Variants in CSMD2 observed in about 807,000 individuals in gnomAD.
CSMD2 encodes the protein CUB and Sushi multiple domains 2, also known as CUB and sushi domain-containing protein 2.
In CSMD2, 130 loss-of-function variants were observed where a neutral mutation model predicts 398.5. The ratio of observed to expected loss-of-function variants is 0.33; its 90% CI spans 0.28 to 0.38. The LOEUF (loss-of-function observed/expected upper bound fraction) is 0.38, where lower values mean the gene tolerates loss of function less well. Among genes scored for constraint, CSMD2 ranks in the 10% least tolerant of loss-of-function variants. CSMD2 has a pLI of 1.00. For synonymous variants in CSMD2, 1,828 were observed against 1,908.5 expected (o/e 0.96, Z 1.10); for missense variants, 3,829 against 4,764.9 (o/e 0.80, Z 5.78).
intron 3 of CSMD2, among the ~76,000 whole-genome samples, chr1:33,946,620 C>CT (rs756819198): frequency 0.01 from 1,481 of 145,012 alleles, 19 homozygotes; most frequent in African/African-American, 0.027. Flanking sequence ...CATCTGACAA[C>CT]TTTTTTTTTT....
At chr1:33,902,535 G>A (rs1642822659) in intron 5 of CSMD2, among the ~76,000 whole-genome samples, 1 of 152,142 alleles carries the variant, frequency 6.6e-6, no homozygotes, top group Non-Finnish European at 1.5e-5. Flanking sequence ...TATTTGGTCT[G>A]GGGAATCACC....
At chr1:34,023,145 G>A (rs958907569) in intron 3 of CSMD2, among the ~76,000 whole-genome samples, 2 of 152,128 alleles carry the variant, frequency 1.3e-5, no homozygotes, top group East Asian at 3.9e-4. Flanking sequence ...GGATTTAAAG[G>A]GCTAAACCCT....
chr1:33,858,338 T>G (rs1639242208), intron 5 of CSMD2, among the ~76,000 whole-genome samples: 1 of 152,148 alleles, frequency 6.6e-6, no homozygotes, highest in Non-Finnish European at 1.5e-5. Flanking sequence ...TCTCCTTCCT[T>G]CTTCCCTCCT....
intron 3 of CSMD2, among the ~76,000 whole-genome samples, chr1:33,954,283 C>A (rs561716374): frequency 9.2e-5 from 14 of 152,164 alleles, no homozygotes; most frequent in Admixed American, 3.3e-4. Flanking sequence ...GGACTCAAAC[C>A]CCTAAACTTG....
At chr1:33,774,141 G>C (rs1651654491) in intron 12 of CSMD2, among the ~76,000 whole-genome samples, 1 of 135,630 alleles carries the variant, frequency 7.4e-6, no homozygotes, top group African/African-American at 2.9e-5. Flanking sequence ...GTGTGTGTGT[G>C]TGTGTGTGAT....
At chr1:34,083,461 A>G (rs1268382490) in intron 2 of CSMD2, among the ~76,000 whole-genome samples, 2 of 152,198 alleles carry the variant, frequency 1.3e-5, no homozygotes, top group African/African-American at 4.8e-5. Context: ...TCCTAATTCA[A>G]CTTCTCAGTC....
At chr1:33,847,362 G>A (rs914858027) in intron 5 of CSMD2, among the ~76,000 whole-genome samples, 1 of 151,410 alleles carries the variant, frequency 6.6e-6, no homozygotes, top group African/African-American at 2.4e-5. Context: ...GCCCATCCAT[G>A]TCCCCCAAGA....
At chr1:34,117,004 A>G (rs1296476351) in intron 1 of CSMD2, among the ~76,000 whole-genome samples, 1 of 152,140 alleles carries the variant, frequency 6.6e-6, no homozygotes, top group African/African-American at 2.4e-5. Context: ...ACTAAGACAG[A>G]AGTTTACAGC....
At chr1:34,127,115 C>G (rs1034555754) in intron 1 of CSMD2, among the ~76,000 whole-genome samples, 1 of 151,958 alleles carries the variant, frequency 6.6e-6, no homozygotes, top group East Asian at 1.9e-4. Context: ...CGGAAGGCAA[C>G]GAGGGCATGA....
intron 4 of CSMD2, among the ~76,000 whole-genome samples, chr1:33,935,240 G>A (rs758396966): frequency 3.9e-5 from 6 of 152,216 alleles, no homozygotes; most frequent in Non-Finnish European, 8.8e-5. Context: ...GGCTGAGGCC[G>A]ACACAGCATA....
chr1:33,605,183 G>A (rs1570912843), intron 42 of CSMD2, 99 bp downstream of exon 42: 2 of 1,179,100 alleles, frequency 1.7e-6, no homozygotes, highest in East Asian at 5.1e-5. Flanking sequence ...CTCCAGCCCT[G>A]GAGATCCCAC....
chr1:33,735,843 A>C (rs1646868128), intron 15 of CSMD2, among the ~76,000 whole-genome samples: 3 of 152,204 alleles, frequency 2.0e-5, no homozygotes, highest in Admixed American at 1.3e-4. Context: ...TAGAAAAAAA[A>C]CGGAAAAGAC....
At chr1:33,680,779 A>G (rs1296082120) in intron 25 of CSMD2, among the ~76,000 whole-genome samples, 2 of 152,110 alleles carry the variant, frequency 1.3e-5, no homozygotes, top group Non-Finnish European at 2.9e-5. Context: ...CCCACTGCAG[A>G]CTAGCACTGG....
At chr1:33,680,088 TTTTTTA>T (rs1174923819) in intron 25 of CSMD2, among the ~76,000 whole-genome samples, 1 of 151,196 alleles carries the variant, frequency 6.6e-6, no homozygotes, top group Admixed American at 6.6e-5. Context: ...GCCTGGCTAA[TTTTTTA>T]TTTTTATTTT....
chr1:34,162,510 A>G (rs77027010), intron 1 of CSMD2, among the ~76,000 whole-genome samples: 2,553 of 152,198 alleles, frequency 0.017, 77 homozygotes, highest in African/African-American at 0.059. Flanking sequence ...CCATTTCCAA[A>G]TCTCTGCTGC....
chr1:34,127,629 G>A (rs538808663), intron 1 of CSMD2, among the ~76,000 whole-genome samples: 1 of 152,256 alleles, frequency 6.6e-6, no homozygotes, highest in South Asian at 2.1e-4. Context: ...AGGGATTTGT[G>A]CCTTGGAATG....
chr1:33,943,369 C>T (rs886855075), intron 3 of CSMD2, among the ~76,000 whole-genome samples: 4 of 152,154 alleles, frequency 2.6e-5, no homozygotes, highest in African/African-American at 7.2e-5. Context: ...CAAAGCCACA[C>T]TTAAATGTCA....
At chr1:33,660,392 G>A (rs1459300786) in intron 26 of CSMD2, among the ~76,000 whole-genome samples, 3 of 152,056 alleles carry the variant, frequency 2.0e-5, no homozygotes, top group Admixed American at 1.3e-4. Context: ...CAAAGCACCC[G>A]GGGAAAGGCT....
At chr1:33,756,261 C>T (rs1569755032) in intron 13 of CSMD2, among the ~76,000 whole-genome samples, 2 of 152,196 alleles carry the variant, frequency 1.3e-5, no homozygotes, top group South Asian at 4.1e-4. Flanking sequence ...AACGCCAGAC[C>T]TGTGTATCCA....
Sources: gnomAD v4.1 joint callset for allele counts (sites outside exome capture counted in the v4.1 genomes callset) on GRCh38, gnomAD v4.1.1 for gene constraint, MANE v1.5 for transcripts, NCBI Gene and HGNC (gene_info 2026-07-23, HGNC 2026-07-21) for gene names.